The following FILIP1L variants were observed in gnomAD, a reference collection of about 807,000 sequenced individuals.
The protein encoded by FILIP1L is filamin A interacting protein 1 like, also known as filamin A-interacting protein 1-like.
Under a neutral mutation model 96.6 loss-of-function variants are expected in FILIP1L, and 55 were observed. That is an observed-to-expected ratio of 0.57 (90% CI 0.46 to 0.71). FILIP1L has a LOEUF of 0.71. Among genes scored for constraint, FILIP1L ranks in the 30% least tolerant of loss-of-function variants. The pLI is 0.00. For synonymous variants in FILIP1L, 467 were observed against 473.9 expected, an observed-to-expected ratio of 0.99 and a Z score of 0.19; for missense variants, 1,304 against 1,321.2, an observed-to-expected ratio of 0.99 and a Z score of 0.20.
intron 1 of FILIP1L, among the ~76,000 whole-genome samples, chr3:100,074,222 C>A (rs995425447): frequency 6.6e-6 from 1 of 152,186 alleles, no homozygotes; most frequent in Admixed American, 6.5e-5. Context: ...ATCTGACAGC[C>A]CCCCTGGGCC....
intron 1 of FILIP1L, among the ~76,000 whole-genome samples, chr3:99,983,460 G>A (rs12108111): frequency 0.045 from 3,088 of 68,088 alleles, 157 homozygotes; most frequent in African/African-American, 0.085. Flanking sequence ...ATATATATAT[G>A]TGTGTATATA....
intron 4 of FILIP1L, among the ~76,000 whole-genome samples, chr3:99,886,087 A>G (rs1705885139): frequency 1.3e-5 from 2 of 152,206 alleles, no homozygotes; most frequent in Admixed American, 6.5e-5. Context: ...TGGAATATTC[A>G]AACAGAACAC....
chr3:99,835,776 C>CAAGGA (rs1359180171), intron 5 of FILIP1L, among the ~76,000 whole-genome samples: 1 of 152,010 alleles, frequency 6.6e-6, no homozygotes, highest in Non-Finnish European at 1.5e-5. Context: ...GAATGACGTG[C>CAAGGA]AATAATAGAA....
Position 99,830,038 on chromosome 3 carries a change from A to G in FILIP1L, c.*376T>C, listed in dbSNP as rs1942621231. The G allele has an allele frequency of 6.5e-6, 1 of 153,028 alleles. No individual in the cohort carries two copies. Among genetic ancestry groups the G allele is most frequent in the South Asian group, 2.1e-4 (1 of 4,854 alleles). The allele number at this position is 153,028 out of a possible 1,614,324, so 9.5% of individuals were successfully genotyped here. On this transcript the variant is annotated 3_prime_UTR_variant, in exon 6 of 6. Coordinates refer to ENST00000477258, the MANE Select transcript of FILIP1L (RefSeq NM_001387850.1). Reference sequence around the variant, plus strand: ...TGCTATCACCTTTTCTTAGCAAAATATGATTAATCAGCAAAGTTCTGTAGA... The same window carrying G: ...TGCTATCACCTTTTCTTAGCAAAATGTGATTAATCAGCAAAGTTCTGTAGA...
chr3:100,035,443 T>A (rs1443989137), intron 1 of FILIP1L, among the ~76,000 whole-genome samples: 1 of 152,124 alleles, frequency 6.6e-6, no homozygotes, highest in Non-Finnish European at 1.5e-5. Context: ...CCAGCTAATT[T>A]GGTATTTTTA....
intron 1 of FILIP1L, among the ~76,000 whole-genome samples, chr3:100,049,008 A>G (rs2065324886): frequency 6.6e-6 from 1 of 152,238 alleles, no homozygotes; most frequent in African/African-American, 2.4e-5. Context: ...TCTTATATGA[A>G]TAAAAGAGTA....
At chr3:100,073,960 G>A (rs1180252847) in intron 1 of FILIP1L, among the ~76,000 whole-genome samples, 1 of 152,036 alleles carries the variant, frequency 6.6e-6, no homozygotes, top group African/African-American at 2.4e-5. Flanking sequence ...CTTTCGGTGT[G>A]GCCATTTTGC....
intron 1 of FILIP1L, among the ~76,000 whole-genome samples, chr3:100,070,215 C>T (rs1224645793): frequency 6.6e-6 from 1 of 152,118 alleles, no homozygotes. Flanking sequence ...TGAATATCAT[C>T]CTTAGATAGT....
chr3:100,079,276 C>A (rs762303831), intron 1 of FILIP1L, among the ~76,000 whole-genome samples: 2 of 152,056 alleles, frequency 1.3e-5, no homozygotes, highest in Non-Finnish European at 2.9e-5. Context: ...TTCTGTTGGT[C>A]GAAGTATTCA....
chr3:99,855,416 G>A (rs1490113073), intron 4 of FILIP1L, among the ~76,000 whole-genome samples: 1 of 152,158 alleles, frequency 6.6e-6, no homozygotes, highest in Non-Finnish European at 1.5e-5. Flanking sequence ...TTTACTTAGT[G>A]CCAGTGATGT....
rs147005780 is a variant in FILIP1L at position 100,109,296 on chromosome 3, G to A, written c.-11+4757C>T. 4.2e-3 allele frequency among the ~76,000 whole-genome samples: 634 copies of A among 152,198 alleles called. 3 individuals are homozygous for A. The highest frequency in any genetic ancestry group is 0.015 in the African/African-American group (605 of 41,550). On this transcript the variant is annotated intron_variant, in intron 1 of 5. Coordinates refer to ENST00000477258, the MANE Select transcript of FILIP1L (RefSeq NM_001387850.1). ...CAGGATACGCTGGTTGAAGTTTGAA[G>A]TGGGATTCTCTCAATATAGAGCCAC...
At chr3:99,968,808 A>G (rs535662596) in intron 1 of FILIP1L, among the ~76,000 whole-genome samples, 1 of 152,322 alleles carries the variant, frequency 6.6e-6, no homozygotes, top group South Asian at 2.1e-4. Context: ...GTTTCAGTCC[A>G]GTGGCCAGGG....
At chr3:100,087,210 C>G (rs916962308) in intron 1 of FILIP1L, among the ~76,000 whole-genome samples, 1 of 152,220 alleles carries the variant, frequency 6.6e-6, no homozygotes, top group Non-Finnish European at 1.5e-5. Context: ...GAGTGTTTCT[C>G]TAGGAGTGGA....
chr3:99,931,065 G>A (rs1559693081), intron 1 of FILIP1L, 35 bp from the exon 2 acceptor site: 2 of 1,580,072 alleles, frequency 1.3e-6, no homozygotes, highest in Non-Finnish European at 1.7e-6. Context: ...AAAGCTTAAT[G>A]GAAATGGAGT....
intron 1 of FILIP1L, among the ~76,000 whole-genome samples, chr3:99,964,750 A>C (rs572580296): frequency 6.6e-6 from 1 of 152,260 alleles, no homozygotes; most frequent in African/African-American, 2.4e-5. Context: ...AGCCGAAGAA[A>C]GAGGTCCCCT....
At position 99,945,263 on chromosome 3, in the gene FILIP1L, C is replaced by T. The variant is rs529800725; in HGVS notation, c.-10-14233G>A. On this transcript the variant is annotated intron_variant, in intron 1 of 5. Coordinates refer to ENST00000477258, the MANE Select transcript of FILIP1L (RefSeq NM_001387850.1). ...CCACCCTTTCCAAAGTCCCACTCAT[C>T]GCTACGAAGGAGTGCTTTCCCCATA... 2.3e-3 allele frequency among the ~76,000 whole-genome samples: 345 copies of T among 152,318 alleles called. 1 individual carries two copies. The highest frequency in any genetic ancestry group is 8.0e-3 in the African/African-American group (331 of 41,572).
rs115297908 is a variant in FILIP1L, at chr3:99,912,226, G to C, written c.605+12004C>G. On this transcript the variant is annotated intron_variant, in intron 4 of 5. Transcript: ENST00000477258. The stretch of plus-strand genomic sequence containing the variant: ...CTGAACCCTGAAAACATTATTTTAA[G>C]TGAAAGAAAACAGGGACAAATAGCT... Among the ~76,000 whole-genome samples the C allele has an allele frequency of 4.6e-3, 696 of 152,276 alleles. 2 individuals are homozygous for C. Among genetic ancestry groups the C allele is most frequent in the South Asian group, 7.0e-3 (34 of 4,826 alleles).
intron 1 of FILIP1L, chr3:100,039,936 G>A (rs908568586): frequency 6.6e-6 from 1 of 152,130 alleles, no homozygotes; most frequent in African/African-American, 2.4e-5. Flanking sequence ...TGTATTTTTA[G>A]TAGAGATGGG....
chr3:99,999,366 A>G (rs1709776799), intron 1 of FILIP1L, among the ~76,000 whole-genome samples: 1 of 152,230 alleles, frequency 6.6e-6, no homozygotes, highest in East Asian at 1.9e-4. Context: ...CATCAGAGTC[A>G]TAAGTATAGA....
Sources: gnomAD v4.1 joint callset for allele counts (sites outside exome capture counted in the v4.1 genomes callset) on GRCh38, gnomAD v4.1.1 for gene constraint, MANE v1.5 for transcripts, NCBI Gene and HGNC (gene_info 2026-07-23, HGNC 2026-07-21) for gene names.